The following ZNF257 variants were observed in gnomAD, a reference collection of about 807,000 sequenced individuals.
The protein encoded by ZNF257 is zinc finger protein 257.
A neutral mutation model predicts 11.9 loss-of-function variants in ZNF257; 12 were observed. The observed-to-expected ratio is 1.01, with a 90% CI of 0.65 to 1.63. ZNF257 has a LOEUF of 1.63. Among genes scored for constraint, ZNF257 ranks in the 40% most tolerant of loss-of-function variants. The probability of loss-of-function intolerance (pLI) is 0.00; values close to 1 mark genes in which losing one functional copy is unlikely to be tolerated. For synonymous variants in ZNF257, 183 were observed against 222.7 expected (o/e 0.82, Z 1.59); for missense variants, 580 against 665.5 (o/e 0.87, Z 1.41).
At chr19:22,069,815 A>G (rs1226423958) in intron 1 of ZNF257, among the ~76,000 whole-genome samples, 1 of 152,158 alleles carries the variant, frequency 6.6e-6, no homozygotes, top group Admixed American at 6.5e-5. Flanking sequence ...GGAAATTGAC[A>G]GGGCAGTAGC....
In ZNF257 at chr19:22,089,982, G is replaced by C. The variant is rs1242625386; in HGVS notation, c.*540G>C. On this transcript the variant is annotated 3_prime_UTR_variant, in exon 4 of 4. Coordinates refer to ENST00000594947, the MANE Select transcript of ZNF257 (RefSeq NM_033468.4). ...AAAGAACATGAAAAACTTTTAAATG[G>C]TTTTCACACTTGATTGCAGGTAAAA... The C allele has an allele frequency of 6.5e-6, 1 of 154,922 alleles. No homozygotes were observed. The highest frequency in any genetic ancestry group is 1.4e-5 in the Non-Finnish European group (1 of 69,900). The allele number at this position is 154,922 out of a possible 1,614,324, so 9.6% of individuals were successfully genotyped here.
chr19:22,078,858 T>A (rs1455129053), intron 3 of ZNF257, among the ~76,000 whole-genome samples: 4 of 148,990 alleles, frequency 2.7e-5, no homozygotes, highest in Admixed American at 2.0e-4. Flanking sequence ...AATGGTGCAA[T>A]CTCTGCTCAC....
Position 22,052,540 on chromosome 19 carries a change from TC to T in ZNF257, c.-92del. The T allele has an allele frequency of 6.7e-7, 1 of 1,492,824 alleles. No individual in the cohort carries two copies. The highest frequency in any genetic ancestry group is 1.1e-5 in the South Asian group (1 of 89,056). The allele number at this position is 1,492,824 out of a possible 1,614,324, so 92.5% of individuals were successfully genotyped here. ...GTCTCGTCTTCCCTGGTCTGTGTCC[TC>T]TTCTCCTAGGGGCCCAGCCTCTGTG... On this transcript the variant is annotated 5_prime_UTR_variant, in exon 1 of 4. Transcript: ENST00000594947.
intron 3 of ZNF257, among the ~76,000 whole-genome samples, chr19:22,083,144 G>T (rs1423381384): frequency 6.6e-6 from 1 of 152,020 alleles, no homozygotes; most frequent in African/African-American, 2.4e-5. Context: ...TTATTTTTCT[G>T]TGAAAGAAAT....
rs1284559394 is a variant in ZNF257, at chr19:22,055,210, T to G, written c.3+2575T>G. Among the ~76,000 whole-genome samples, 3 of 152,074 alleles carry G rather than the reference T, an allele frequency of 2.0e-5. No individual in the cohort carries two copies. The East Asian group carries it at 5.8e-4, about 29-fold the overall frequency. On this transcript the variant is annotated intron_variant, in intron 1 of 3. Transcript: ENST00000594947. ...AACATTTGTGAAAGAAAAAATAGTA[T>G]TTTTTGGTTTCTTTGAGACAGAGTC... is the stretch of plus-strand genomic sequence containing the variant.
Position 22,088,590 on chromosome 19 carries a change from T to C in ZNF257, c.840T>C (p.Asn280=), listed in dbSNP as rs1157958608. 6.2e-7 allele frequency: 1 copy of C among 1,612,868 alleles called. No homozygotes were observed. The highest frequency in any genetic ancestry group is 1.7e-5 in the Admixed American group (1 of 59,878). Residue 280 remains asparagine, a synonymous_variant, in exon 4 of 4, where the codon AAT becomes AAC. Transcript: ENST00000594947. ...SHITQHKRIH[N]REKPFKYDEC... ...TTACTCAACATAAGAGAATTCATAA[T>C]AGAGAGAAGCCCTTCAAATATGATG... is the stretch of plus-strand genomic sequence containing the variant.
At chr19:22,058,899 TG>T (rs994608531) in intron 1 of ZNF257, among the ~76,000 whole-genome samples, 24 of 140,874 alleles carry the variant, frequency 1.7e-4, no homozygotes, top group Admixed American at 1.5e-3. Flanking sequence ...TTTATCCTAA[TG>T]TTTTTTTTTG....
At position 22,082,742 on chromosome 19, in the gene ZNF257, T is replaced by G. The variant is rs552790729; in HGVS notation, c.227-5235T>G. ...CGACTTGATGCTGTCCAATAAGTAT[T>G]ACATTCTATGTTTTAAATTTGTTTT... On this transcript the variant is annotated intron_variant, in intron 3 of 3. Coordinates refer to ENST00000594947, the MANE Select transcript of ZNF257 (RefSeq NM_033468.4). Among the ~76,000 whole-genome samples, 34 of 152,308 alleles carry G rather than the reference T, an allele frequency of 2.2e-4. 1 individual carries two copies. The highest frequency in any genetic ancestry group is 7.9e-4 in the African/African-American group (33 of 41,544).
intron 1 of ZNF257, among the ~76,000 whole-genome samples, chr19:22,063,491 A>C (rs1297543713): frequency 6.6e-6 from 1 of 152,168 alleles, no homozygotes; most frequent in East Asian, 1.9e-4. Flanking sequence ...GTGAGCATTT[A>C]GTGTTATAAA....
intron 3 of ZNF257, among the ~76,000 whole-genome samples, chr19:22,081,250 T>C (rs2022354104): frequency 6.6e-6 from 1 of 152,002 alleles, no homozygotes; most frequent in Non-Finnish European, 1.5e-5. Flanking sequence ...ATATATATAC[T>C]CATATACATA....
Position 22,072,949 on chromosome 19 carries a change from C to G in ZNF257, c.130+14C>G, listed in dbSNP as rs914244602. 7 of 1,604,120 alleles carry G rather than the reference C, an allele frequency of 4.4e-6. No individual in the cohort carries two copies. Among genetic ancestry groups the G allele is most frequent in the Non-Finnish European group, 6.0e-6 (7 of 1,176,248 alleles). On this transcript the variant is annotated intron_variant, in intron 2 of 3. Transcript: ENST00000594947. ...TGGTCTTCCTGGGTGAGGATAACTTCAGTACTCAATTCCTAATATACTCCA... is the reference window on the plus strand; with the variant it reads ...TGGTCTTCCTGGGTGAGGATAACTTGAGTACTCAATTCCTAATATACTCCA...
At position 22,089,042 on chromosome 19, in the gene ZNF257, A is replaced by T. The variant is rs773194146; in HGVS notation, c.1292A>T (p.Tyr431Phe). 6.2e-7 allele frequency: 1 copy of T among 1,612,998 alleles called. No homozygotes were observed. The highest frequency in any genetic ancestry group is 1.3e-5 in the African/African-American group (1 of 74,624). ...ATAATTCATACTGGAGAGAAACCCT[A>T]CAAATGTGAAGAGTGTGGCAAAGCC... ...HKIIHTGEKPYKCEECGKAFN... is the reference protein window; with the variant it reads ...HKIIHTGEKPFKCEECGKAFN... Residue 431 changes from tyrosine (Y) to phenylalanine (F), a missense_variant, in exon 4 of 4, where the codon TAC (tyrosine) becomes TTC (phenylalanine). By Grantham distance (22) the Tyr-to-Phe change is conservative. Transcript: ENST00000594947.
chr19:22,074,301 G>A (rs539016176), intron 3 of ZNF257: 1 of 152,122 alleles, frequency 6.6e-6, no homozygotes, highest in South Asian at 2.1e-4. Flanking sequence ...ATCTTTCAGT[G>A]TAAAGAGTTT....
intron 1 of ZNF257, among the ~76,000 whole-genome samples, chr19:22,056,667 A>G (rs572622931): frequency 6.6e-6 from 1 of 151,558 alleles, no homozygotes; most frequent in Admixed American, 6.6e-5. Context: ...TTTAGTAGAG[A>G]CGGGGTTTCA....
chr19:22,074,373 T>G (rs2145704732), intron 3 of ZNF257: 1 of 152,216 alleles, frequency 6.6e-6, no homozygotes, highest in Middle Eastern at 3.4e-3. Flanking sequence ...TTTTTTGAGA[T>G]GGAGGTTCAC....
At chr19:22,082,236 T>A (rs542816642) in intron 3 of ZNF257, among the ~76,000 whole-genome samples, 1 of 152,314 alleles carries the variant, frequency 6.6e-6, no homozygotes, top group African/African-American at 2.4e-5. Flanking sequence ...ATTATAATAG[T>A]AAAGGATTCC....
intron 3 of ZNF257, among the ~76,000 whole-genome samples, chr19:22,076,371 G>C (rs2022223503): frequency 6.6e-6 from 1 of 151,492 alleles, no homozygotes; most frequent in South Asian, 2.1e-4. Flanking sequence ...GATTACAGCA[G>C]TTTCATTTTG....
At chr19:22,064,831 A>G (rs1195992717) in intron 1 of ZNF257, among the ~76,000 whole-genome samples, 1 of 152,160 alleles carries the variant, frequency 6.6e-6, no homozygotes, top group African/African-American at 2.4e-5. Flanking sequence ...CGAGGTGGGC[A>G]GATCACGAGG....
intron 1 of ZNF257, among the ~76,000 whole-genome samples, chr19:22,055,128 A>G (rs1312132226): frequency 6.6e-6 from 1 of 152,122 alleles, no homozygotes; most frequent in Non-Finnish European, 1.5e-5. Context: ...CACAGAAATA[A>G]TTTCTGCCCC....
Sources: allele counts gnomAD v4.1 joint callset (sites outside exome capture counted in the v4.1 genomes callset), GRCh38; gene constraint gnomAD v4.1.1; transcripts MANE v1.5; gene names NCBI Gene and HGNC (gene_info 2026-07-23, HGNC 2026-07-21).